Variants in RAB11FIP3 observed in about 807,000 individuals in gnomAD.
The protein encoded by RAB11FIP3 is rab11 family-interacting protein 3.
In RAB11FIP3, 17 loss-of-function variants were observed where a neutral mutation model predicts 77.8. That is an observed-to-expected ratio of 0.22 (90% CI 0.15 to 0.33). The LOEUF is 0.33. Among genes scored for constraint, RAB11FIP3 ranks in the 10% least tolerant of loss-of-function variants. RAB11FIP3 has a pLI of 1.00. For synonymous variants in RAB11FIP3, 437 were observed against 448.2 expected (o/e 0.98, Z 0.31); for missense variants, 1,005 against 1,011.2 (o/e 0.99, Z 0.08).
intron 3 of RAB11FIP3, among the ~76,000 whole-genome samples, chr16:480,286 C>CAAAAAAAAGAAAAAAAAAAAAAAAAAA (rs752259728): frequency 8.7e-5 from 7 of 80,024 alleles, no homozygotes; most frequent in African/African-American, 3.4e-4. Flanking sequence ...ACTCCTTCTC[C>CAAAAAAAAGAAAAAAAAAAAAAAAAAA]AAAAAAAAAA....
intron 9 of RAB11FIP3, among the ~76,000 whole-genome samples, chr16:511,069 A>C (rs1470241480): frequency 2.4e-5 from 3 of 123,186 alleles, no homozygotes; most frequent in African/African-American, 3.3e-5. Context: ...ACGGCCCGCC[A>C]ACCCCAGAAC....
At position 520,147 on chromosome 16, in the gene RAB11FIP3, T is replaced by C; in HGVS notation, c.1886T>C (p.Leu629Pro). The C allele has an allele frequency of 1.3e-6, 2 of 1,546,416 alleles. No individual in the cohort carries two copies. The highest frequency in any genetic ancestry group is 1.7e-6 in the Non-Finnish European group (2 of 1,147,780). Residue 629 changes from leucine (L) to proline (P), a missense_variant, in exon 12 of 14, where the codon CTG (leucine) becomes CCG (proline). By Grantham distance (98) the Leu-to-Pro change is moderately conservative. This residue lies in a region of RAB11FIP3 where 433 missense variants were observed against 436.1 expected (regional missense o/e 0.99). Transcript: ENST00000262305. ...QELIEDLRKQ[L>P]EHLQLLKLEA... is the part of the protein sequence containing the mutation. ...CTGATCGAGGACCTCCGAAAGCAGCTGGAGCACCTGCAGCTCCTCAAGCTG... is the reference window on the plus strand; with the variant it reads ...CTGATCGAGGACCTCCGAAAGCAGCCGGAGCACCTGCAGCTCCTCAAGCTG...
intron 1 of RAB11FIP3, among the ~76,000 whole-genome samples, chr16:446,232 G>A (rs137967306): frequency 1.8e-4 from 28 of 152,244 alleles, no homozygotes; most frequent in African/African-American, 5.5e-4. Context: ...TCCAGCCTGG[G>A]CAGCATAGTG....
At chr16:515,153 G>A (rs568298146) in intron 9 of RAB11FIP3, among the ~76,000 whole-genome samples, 4 of 152,356 alleles carry the variant, frequency 2.6e-5, no homozygotes, top group Admixed American at 1.3e-4. Flanking sequence ...CAGTGCTGCT[G>A]TGTGTGAAGC....
rs2055805420 is a variant in RAB11FIP3 at position 471,374 on chromosome 16, C to G, written c.888C>G (p.Asp296Glu). 6.2e-7 allele frequency: 1 copy of G among 1,611,946 alleles called. No individual in the cohort carries two copies. The highest frequency in any genetic ancestry group is 1.1e-5 in the South Asian group (1 of 90,790). ...TGGCCTGCCCGGACGAGTTCGATGACTTCGTCACCTATGAGGCAAGTGGTT... is the reference window on the plus strand; with the variant it reads ...TGGCCTGCCCGGACGAGTTCGATGAGTTCGTCACCTATGAGGCAAGTGGTT... ...EPLACPDEFD[D>E]FVTYEANEVT... is the part of the protein sequence containing the mutation. The change falls in exon 3 of 14, where the codon GAC becomes GAG. Residue 296 changes from aspartate to glutamate, a missense_variant. By Grantham distance (45) the Asp-to-Glu change is conservative. Coordinates refer to ENST00000262305, the MANE Select transcript of RAB11FIP3 (RefSeq NM_014700.4). This position sits in a 1 kb window ranked among gnomAD's most constrained non-coding sequence, Gnocchi z 4.4.
Position 461,362 on chromosome 16 carries a change from T to C in RAB11FIP3, c.715-42T>C. The C allele has an allele frequency of 6.5e-7, 1 of 1,545,908 alleles. No individual in the cohort carries two copies. The highest frequency in any genetic ancestry group is 8.9e-7 in the Non-Finnish European group (1 of 1,126,892). ...GAGGTCCAGGGTTGGGGACCCCTGC[T>C]GTAAAGGCTTAGGGTAACCTAGTCT... On this transcript the variant is annotated intron_variant, in intron 1 of 13. Coordinates refer to ENST00000262305, the MANE Select transcript of RAB11FIP3 (RefSeq NM_014700.4). This position sits in a 1 kb window ranked among gnomAD's most constrained non-coding sequence, Gnocchi z 4.5.
At chr16:513,497 A>AT (rs1292762799) in intron 9 of RAB11FIP3, among the ~76,000 whole-genome samples, 1 of 151,786 alleles carries the variant, frequency 6.6e-6, no homozygotes, top group Non-Finnish European at 1.5e-5. Flanking sequence ...TGTTGTTGGG[A>AT]TTTTTTGTTG....
At chr16:449,445 C>T (rs1262978428) in intron 1 of RAB11FIP3, among the ~76,000 whole-genome samples, 2 of 152,026 alleles carry the variant, frequency 1.3e-5, no homozygotes, top group African/African-American at 4.8e-5. Flanking sequence ...CAGCTTACTT[C>T]TTCTTTGAGA....
intron 2 of RAB11FIP3, among the ~76,000 whole-genome samples, chr16:469,267 G>A (rs889026063): frequency 1.3e-5 from 2 of 151,974 alleles, no homozygotes; most frequent in African/African-American, 4.8e-5. Context: ...GTACAGACGG[G>A]TTTTCACCAT....
At chr16:516,057 C>T (rs2032400074) in intron 9 of RAB11FIP3, among the ~76,000 whole-genome samples, 2 of 152,202 alleles carry the variant, frequency 1.3e-5, no homozygotes, top group South Asian at 4.1e-4. Flanking sequence ...CACCCCGTGG[C>T]CTCCCCGGCA....
intron 9 of RAB11FIP3, among the ~76,000 whole-genome samples, chr16:518,523 G>C (rs909684827): frequency 6.7e-6 from 1 of 149,910 alleles, no homozygotes; most frequent in South Asian, 2.1e-4. Flanking sequence ...TCAGGAGTTC[G>C]AGACCAGCCT....
chr16:475,081 C>T (rs1425874082), intron 3 of RAB11FIP3: 3 of 1,551,342 alleles, frequency 1.9e-6, no homozygotes, highest in African/African-American at 1.4e-5. Context: ...GTGAGGCCAC[C>T]CGGGCCAGCA....
At chr16:465,825 G>C (rs889370546) in intron 2 of RAB11FIP3, among the ~76,000 whole-genome samples, 1 of 152,142 alleles carries the variant, frequency 6.6e-6, no homozygotes, top group African/African-American at 2.4e-5. Flanking sequence ...GGCTGGTCGT[G>C]AACTCCTGAC....
At chr16:447,565 G>A (rs1019421914) in intron 1 of RAB11FIP3, among the ~76,000 whole-genome samples, 3 of 151,986 alleles carry the variant, frequency 2.0e-5, no homozygotes, top group Admixed American at 1.3e-4. Flanking sequence ...GTGAAACCTC[G>A]TCTCTCCTAA....
At chr16:467,274 G>C (rs1213097297) in intron 2 of RAB11FIP3, among the ~76,000 whole-genome samples, 5 of 152,188 alleles carry the variant, frequency 3.3e-5, no homozygotes, top group African/African-American at 1.2e-4. Context: ...TGAGAGGCAG[G>C]CCTCACAATT....
chr16:482,260 T>C, intron 3 of RAB11FIP3: 1 of 622,356 alleles, frequency 1.6e-6, no homozygotes, highest in Non-Finnish European at 3.0e-6. Flanking sequence ...TTCACTTTGT[T>C]GGCCAGGCTG....
intron 9 of RAB11FIP3, among the ~76,000 whole-genome samples, chr16:516,282 G>A (rs1002864737): frequency 6.6e-6 from 1 of 152,214 alleles, no homozygotes; most frequent in African/African-American, 2.4e-5. Flanking sequence ...GCAGGGTAAC[G>A]GGATGGTGAG....
At position 507,569 on chromosome 16, in the gene RAB11FIP3, T is replaced by C. The variant is rs918692641; in HGVS notation, c.1499+1942T>C. On this transcript the variant is annotated intron_variant, in intron 8 of 13. Coordinates refer to ENST00000262305, the MANE Select transcript of RAB11FIP3 (RefSeq NM_014700.4). The surrounding 1 kb of genome is among the most constrained non-coding windows in gnomAD (Gnocchi z 4.6). ...GCCTAGATGCCTTTGTCGAGTTGAC[T>C]GTGGAGGTTTCATTTGAGTCTGGAG... is the stretch of plus-strand genomic sequence containing the variant. Among the ~76,000 whole-genome samples the C allele has an allele frequency of 6.6e-6, 1 of 152,240 alleles. No homozygotes were observed. The highest frequency in any genetic ancestry group is 1.5e-5 in the Non-Finnish European group (1 of 68,046).
chr16:471,348 C>T lies in RAB11FIP3; in HGVS notation c.862C>T (p.Leu288=), dbSNP rs750157041. Residue 288 remains leucine (L), a synonymous_variant, in exon 3 of 14, where the codon CTG becomes TTG. Coordinates refer to ENST00000262305, the MANE Select transcript of RAB11FIP3 (RefSeq NM_014700.4). This position sits in a 1 kb window ranked among gnomAD's most constrained non-coding sequence, Gnocchi z 4.4. The part of the protein sequence containing the change: ...GVASAQDEEP[L]ACPDEFDDFV... Reference sequence around the variant, plus strand: ...CGCTTCTGCCCAAGATGAGGAGCCCCTGGCCTGCCCGGACGAGTTCGATGA... The same window carrying T: ...CGCTTCTGCCCAAGATGAGGAGCCCTTGGCCTGCCCGGACGAGTTCGATGA... 5 of 1,613,994 alleles carry T rather than the reference C, an allele frequency of 3.1e-6. No homozygotes were observed. The South Asian group carries it at 5.5e-5, about 18-fold the overall frequency.
Sources: gnomAD v4.1 joint callset for allele counts (sites outside exome capture counted in the v4.1 genomes callset) on GRCh38, gnomAD v4.1.1 for gene constraint, gnomAD v4.1.1 regional missense constraint, Gnocchi (gnomAD v3.1) non-coding constraint, MANE v1.5 for transcripts, NCBI Gene and HGNC (gene_info 2026-07-23, HGNC 2026-07-21) for gene names.